Variants in ZNF654 observed in about 807,000 individuals in gnomAD.
ZNF654 encodes the protein melanoma-associated antigen.
Under a neutral mutation model 95.3 loss-of-function variants are expected in ZNF654, and 19 were observed. That is an observed-to-expected ratio of 0.20 (90% confidence interval 0.14 to 0.29). The LOEUF (loss-of-function observed/expected upper bound fraction) is 0.29, where lower values mean the gene tolerates loss of function less well. ZNF654 is among the 10% of genes least tolerant of loss of function. The pLI, the probability that ZNF654 is intolerant of heterozygous loss-of-function variation, is 1.00. For missense variants in ZNF654, 1,046 were observed against 1,341.0 expected, an observed-to-expected ratio of 0.78 and a Z score of 3.44; for synonymous variants, 413 against 457.9, an observed-to-expected ratio of 0.90 and a Z score of 1.25.
At chr3:88,098,768 A>G (rs1047724354) in intron 2 of ZNF654, among the ~76,000 whole-genome samples, 2 of 152,228 alleles carry the variant, frequency 1.3e-5, no homozygotes, top group African/African-American at 4.8e-5. Flanking sequence ...AAGGCCTTTG[A>G]CAAAATTCAA....
At chr3:88,125,252 C>A (rs1706030051) in intron 3 of ZNF654, among the ~76,000 whole-genome samples, 1 of 151,172 alleles carries the variant, frequency 6.6e-6, no homozygotes, top group Non-Finnish European at 1.5e-5. Flanking sequence ...AAACCAATAT[C>A]TAATAAAGTA....
Position 88,142,655 on chromosome 3 carries a change from C to G in ZNF654, c.*1003C>G, listed in dbSNP as rs2107908655. 6.6e-6 allele frequency: 1 copy of G among 152,332 alleles called. No individual in the cohort carries two copies. Among genetic ancestry groups the G allele is most frequent in the South Asian group, 2.1e-4 (1 of 4,820 alleles). 9.4% of individuals were successfully genotyped at this position (152,332 alleles called of 1,614,324 possible). ...CTGGCTCAAAAAATCAGCTAAGAAT[C>G]AGGTTGAGAAATCATTCATTTTATT... On this transcript the variant is annotated 3_prime_UTR_variant, in exon 9 of 9. Transcript: ENST00000636215.
At chr3:88,102,817 CTTTTTT>C (rs10701359) in intron 2 of ZNF654, among the ~76,000 whole-genome samples, 6 of 106,548 alleles carry the variant, frequency 5.6e-5, no homozygotes, top group Admixed American at 1.1e-4. Context: ...CCTCTACTGT[CTTTTTT>C]TTTTTTTTTT....
chr3:88,141,740 G>A lies in ZNF654; in HGVS notation c.*88G>A, dbSNP rs1707146469. On this transcript the variant is annotated 3_prime_UTR_variant, in exon 9 of 9. Coordinates refer to ENST00000636215, the MANE Select transcript of ZNF654 (RefSeq NM_001350134.2). Reference sequence around the variant, plus strand: ...TGCATCATCAGTTTGCTATTTCCCTGATGGCCTTAATTTTAGAGTGGTCTT... The same window carrying A: ...TGCATCATCAGTTTGCTATTTCCCTAATGGCCTTAATTTTAGAGTGGTCTT... 9.4e-7 allele frequency: 1 copy of A among 1,064,294 alleles called. No homozygotes were observed. Among genetic ancestry groups the A allele is most frequent in the Non-Finnish European group, 1.3e-6 (1 of 758,350 alleles). 65.9% of individuals were successfully genotyped at this position (1,064,294 alleles called of 1,614,324 possible).
intron 3 of ZNF654, among the ~76,000 whole-genome samples, chr3:88,125,752 C>G (rs1425041042): frequency 3.9e-5 from 6 of 152,158 alleles, no homozygotes; most frequent in Non-Finnish European, 7.4e-5. Flanking sequence ...CTACCACGCT[C>G]TCTTTTTCTT....
chr3:88,119,700 A>T (rs1432884222), intron 3 of ZNF654, among the ~76,000 whole-genome samples: 6 of 152,158 alleles, frequency 3.9e-5, no homozygotes, highest in African/African-American at 1.4e-4. Flanking sequence ...GTGCTCAAAA[A>T]ATCTTGCATG....
intron 1 of ZNF654, among the ~76,000 whole-genome samples, chr3:88,071,454 C>G (rs1220167478): frequency 6.6e-6 from 1 of 152,132 alleles, no homozygotes; most frequent in Non-Finnish European, 1.5e-5. Context: ...ACCGTCCTGG[C>G]TAACACGGTG....
intron 1 of ZNF654, among the ~76,000 whole-genome samples, chr3:88,069,483 G>A (rs560412255): frequency 6.6e-6 from 1 of 152,298 alleles, no homozygotes; most frequent in African/African-American, 2.4e-5. Flanking sequence ...AATGGGATAT[G>A]CTTAGATGAG....
At chr3:88,065,144 C>G (rs984883141) in intron 1 of ZNF654, among the ~76,000 whole-genome samples, 2 of 152,150 alleles carry the variant, frequency 1.3e-5, no homozygotes, top group African/African-American at 2.4e-5. Flanking sequence ...AATTTTGGCA[C>G]ATTTGGGATA....
intron 2 of ZNF654, among the ~76,000 whole-genome samples, chr3:88,096,587 T>C (rs1347422070): frequency 1.3e-5 from 2 of 152,162 alleles, no homozygotes; most frequent in East Asian, 1.9e-4. Flanking sequence ...TCCCATACTT[T>C]AAAGAAGTCC....
chr3:88,092,057 A>G (rs1324512006), intron 2 of ZNF654, among the ~76,000 whole-genome samples: 2 of 152,242 alleles, frequency 1.3e-5, no homozygotes, highest in East Asian at 3.8e-4. Flanking sequence ...ATGACTTACT[A>G]AATAGTAAGA....
chr3:88,126,026 A>C, intron 3 of ZNF654, 108 bp from the exon 4 acceptor site: 4 of 1,183,470 alleles, frequency 3.4e-6, no homozygotes, highest in Non-Finnish European at 4.5e-6. Flanking sequence ...CTCTTTTATA[A>C]TTTAATAGCT....
At chr3:88,121,122 G>A (rs1705744432) in intron 3 of ZNF654, among the ~76,000 whole-genome samples, 1 of 151,546 alleles carries the variant, frequency 6.6e-6, no homozygotes, top group South Asian at 2.1e-4. Flanking sequence ...TCCAAACAAA[G>A]ATGAGCAAAA....
At chr3:88,085,254 T>G (rs12495016) in intron 1 of ZNF654, among the ~76,000 whole-genome samples, 22,639 of 152,166 alleles carry the variant, frequency 0.15, 1,760 homozygotes, top group African/African-American at 0.18. Flanking sequence ...ATTAAATATT[T>G]AAGGCTTTGT....
At chr3:88,127,689 A>G (rs538442404) in intron 4 of ZNF654, among the ~76,000 whole-genome samples, 12 of 152,302 alleles carry the variant, frequency 7.9e-5, no homozygotes, top group Middle Eastern at 6.8e-3. Flanking sequence ...AGGATCTAGA[A>G]TAAACCTGTT....
intron 7 of ZNF654, 142 bp from the exon 8 acceptor site, chr3:88,138,563 G>A (rs1370363132): frequency 9.1e-6 from 4 of 440,834 alleles, no homozygotes; most frequent in Non-Finnish European, 1.5e-5. Flanking sequence ...AGTTAAACAA[G>A]GCTACTAAAT....
In ZNF654 at chr3:88,127,980, T is replaced by C. The variant is rs143177570; in HGVS notation, c.551-829T>C. Among the ~76,000 whole-genome samples the C allele has an allele frequency of 2.6e-3, 391 of 152,310 alleles. 1 individual carries two copies. The highest frequency in any genetic ancestry group is 8.8e-3 in the African/African-American group (367 of 41,574). On this transcript the variant is annotated intron_variant, in intron 4 of 8. Transcript: ENST00000636215. ...CAAAATAAAACATTTGTAAGCACTT[T>C]AGAAGCTACTGATTAAATATAAGTA...
chr3:88,129,364 C>G (rs1706312858), intron 5 of ZNF654, among the ~76,000 whole-genome samples: 1 of 138,952 alleles, frequency 7.2e-6, no homozygotes. Flanking sequence ...GCATTATGAT[C>G]TTGCCTTGAA....
In ZNF654 at chr3:88,142,405, G is replaced by C. The variant is rs1298906681; in HGVS notation, c.*753G>C. ...AAAGGGCAGCAGTGTCAATAAAATA[G>C]AAAAAAACCGATCAGTACTCTGGGG... On this transcript the variant is annotated 3_prime_UTR_variant, in exon 9 of 9. Transcript: ENST00000636215. The C allele has an allele frequency of 2.6e-5, 4 of 152,178 alleles. No homozygotes were observed. Among genetic ancestry groups the C allele is most frequent in the Admixed American group, 2.0e-4 (3 of 15,228 alleles). 9.4% of individuals were successfully genotyped at this position (152,178 alleles called of 1,614,324 possible).
Sources: gnomAD v4.1 joint callset for allele counts (sites outside exome capture counted in the v4.1 genomes callset) on GRCh38, gnomAD v4.1.1 for gene constraint, MANE v1.5 for transcripts, NCBI Gene and HGNC (gene_info 2026-07-23, HGNC 2026-07-21) for gene names.